Variants in TEX12 observed in about 807,000 individuals in gnomAD.
The protein encoded by TEX12 is testis expressed 12, also known as testis-expressed protein 12.
In TEX12, 7 loss-of-function variants were observed where a neutral mutation model predicts 14.6. The observed-to-expected ratio is 0.48, with a 90% confidence interval of 0.27 to 0.90. TEX12 has a LOEUF of 0.90. TEX12 is among the 40% of genes least tolerant of loss of function. TEX12 has a pLI of 0.12. For missense variants in TEX12, 121 were observed against 135.7 expected (o/e 0.89, Z 0.54); for synonymous variants, 57 against 49.1 (o/e 1.16, Z -0.67).
chr11:112,170,448 C>G lies in TEX12; in HGVS notation c.93C>G (p.Ser31=), dbSNP rs1381945916. ...ESPVPDSPQL[S]SLGKSDSSFS... The stretch of plus-strand genomic sequence containing the variant: ...CAGTGCCAGATAGTCCACAGCTGTC[C>G]TCTCTTGGAAAATCAGATTCATCTT... Residue 31 remains serine (S), a synonymous_variant, in exon 3 of 5, where the codon TCC becomes TCG. Coordinates refer to ENST00000280358, the MANE Select transcript of TEX12 (RefSeq NM_031275.4). 1 of 1,613,474 alleles carries G rather than the reference C, an allele frequency of 6.2e-7. No homozygotes were observed. The highest frequency in any genetic ancestry group is 1.7e-5 in the Admixed American group (1 of 60,006).
intron 4 of TEX12, among the ~76,000 whole-genome samples, chr11:112,171,331 G>T (rs1430042776): frequency 1.3e-5 from 2 of 151,862 alleles, no homozygotes; most frequent in African/African-American, 4.8e-5. Flanking sequence ...ATGTTCCTTT[G>T]GTATCTGTGG....
At chr11:112,168,607 A>G (rs369000415) in intron 1 of TEX12, among the ~76,000 whole-genome samples, 1 of 151,538 alleles carries the variant, frequency 6.6e-6, no homozygotes, top group East Asian at 1.9e-4. Context: ...GCTGGAGTGC[A>G]ATGGCACAAT....
At position 112,172,024 on chromosome 11, in the gene TEX12, G is replaced by A. The variant is rs556664602; in HGVS notation, c.*108G>A. ...AGTTGTTAAAGAAAATGTATATCTC[G>A]AATAGAGAAGGGGAAACTCCTTGAA... On this transcript the variant is annotated 3_prime_UTR_variant, in exon 5 of 5. Coordinates refer to ENST00000280358, the MANE Select transcript of TEX12 (RefSeq NM_031275.4). The A allele has an allele frequency of 8.6e-6, 7 of 814,550 alleles. No individual in the cohort carries two copies. In the East Asian group the frequency reaches 1.6e-4, roughly 19 times the overall value. 50.5% of individuals were successfully genotyped at this position (814,550 alleles called of 1,614,324 possible).
At chr11:112,169,367 T>G (rs1200600925) in intron 2 of TEX12, 36 bp downstream of exon 2, 1 of 1,519,972 alleles carries the variant, frequency 6.6e-7, no homozygotes, top group Non-Finnish European at 9.1e-7. Context: ...AATCTTTTAT[T>G]CTGTTTTACA....
intron 1 of TEX12, among the ~76,000 whole-genome samples, chr11:112,168,318 A>G (rs1866750395): frequency 6.6e-6 from 1 of 152,174 alleles, no homozygotes; most frequent in Non-Finnish European, 1.5e-5. Context: ...CCTAGGGAAA[A>G]TCCCTTCCGA....
intron 1 of TEX12, among the ~76,000 whole-genome samples, chr11:112,168,708 C>T (rs1018142592): frequency 1.8e-4 from 28 of 152,266 alleles, no homozygotes; most frequent in African/African-American, 6.0e-4. Context: ...CCTGCCACCA[C>T]GCCTGGCTAA....
At chr11:112,169,469 T>C (rs896945314) in intron 2 of TEX12, 138 bp downstream of exon 2, 1 of 645,604 alleles carries the variant, frequency 1.5e-6, no homozygotes, top group African/African-American at 1.8e-5. Context: ...TCCTACAACA[T>C]AGGAGGAACT....
Position 112,168,556 on chromosome 11 carries a change from CT to C in TEX12, c.-16-684del, listed in dbSNP as rs113768199. Among the ~76,000 whole-genome samples the C allele has an allele frequency of 7.1e-3, 1,019 of 144,356 alleles. 5 individuals carry two copies. The highest frequency in any genetic ancestry group is 0.025 in the Middle Eastern group (7 of 276). 94.7% of individuals were successfully genotyped at this position (144,356 alleles called of 152,430 possible). A position where few individuals can be genotyped will look rare whatever the true frequency, so the allele number is the denominator to read the frequency against. Reference sequence around the variant, plus strand: ...AAGATTTTGTGAAGATAGAAGAATCCTTTTTTTTTTTTTGAGGTGGAGTCTC... The same window carrying C: ...AAGATTTTGTGAAGATAGAAGAATCCTTTTTTTTTTTTGAGGTGGAGTCTC... On this transcript the variant is annotated intron_variant, in intron 1 of 4. Transcript: ENST00000280358.
chr11:112,168,434 C>T (rs1317262456), intron 1 of TEX12, among the ~76,000 whole-genome samples: 3 of 149,562 alleles, frequency 2.0e-5, no homozygotes, highest in Admixed American at 1.3e-4. Context: ...TTAGCTCAGT[C>T]TTACTGGTGT....
chr11:112,168,477 C>G (rs923560418), intron 1 of TEX12, among the ~76,000 whole-genome samples: 1 of 152,038 alleles, frequency 6.6e-6, no homozygotes, highest in African/African-American at 2.4e-5. Context: ...CCTGTTTTCT[C>G]ACTTGTAAAA....
intron 1 of TEX12, among the ~76,000 whole-genome samples, chr11:112,168,099 TAAC>T (rs760278500): frequency 1.3e-5 from 2 of 152,250 alleles, no homozygotes; most frequent in Non-Finnish European, 2.9e-5. Flanking sequence ...AGAATTTACT[TAAC>T]AAGCATCATT....
intron 1 of TEX12, among the ~76,000 whole-genome samples, chr11:112,168,698 C>T (rs36077191): frequency 0.18 from 27,184 of 151,952 alleles, 2,995 homozygotes; most frequent in Non-Finnish European, 0.25. Context: ...ATTACAGGCG[C>T]CTGCCACCAC....
chr11:112,169,697 C>G (rs1866768706), intron 2 of TEX12, among the ~76,000 whole-genome samples: 1 of 152,128 alleles, frequency 6.6e-6, no homozygotes, highest in South Asian at 2.1e-4. Context: ...ACTACTGCCC[C>G]CACCAGTTGA....
intron 4 of TEX12, 22 bp from the exon 5 acceptor site, chr11:112,171,750 A>G (rs376802932): frequency 2.1e-4 from 304 of 1,449,440 alleles, no homozygotes; most frequent in Non-Finnish European, 2.5e-4. Context: ...TTAGTTTAAT[A>G]TACAACTTTT....
chr11:112,171,223 A>T (rs1866786520), intron 4 of TEX12, among the ~76,000 whole-genome samples: 1 of 152,074 alleles, frequency 6.6e-6, no homozygotes, highest in Admixed American at 6.5e-5. Context: ...TGGTCTTATA[A>T]GTAATCAAGA....
chr11:112,170,396 T>C (rs756571), intron 2 of TEX12, 23 bp from the exon 3 acceptor site: 1 of 1,440,246 alleles, frequency 6.9e-7, no homozygotes, highest in East Asian at 2.3e-5. Context: ...ACTGTACCTG[T>C]TTTCTTTATT....
At chr11:112,170,584 T>G in intron 3 of TEX12, 39 bp from the exon 4 acceptor site, 1 of 1,594,410 alleles carries the variant, frequency 6.3e-7, no homozygotes, top group Non-Finnish European at 8.6e-7. Context: ...TGCAGAAGGT[T>G]TGTTATATTT....
Position 112,170,568 on chromosome 11 carries a change from T to G in TEX12, c.175+38T>G, listed in dbSNP as rs765230608. 9 of 1,588,812 alleles carry G rather than the reference T, an allele frequency of 5.7e-6. 1 individual carries two copies. In the South Asian group the frequency reaches 1.0e-4, roughly 18 times the overall value. ...ATGTTTATATTTCTAAACATCAGTC[T>G]TATAATGCAGAAGGTTTGTTATATT... On this transcript the variant is annotated intron_variant, in intron 3 of 4. Transcript: ENST00000280358.
chr11:112,168,847 C>T (rs183152551), intron 1 of TEX12, among the ~76,000 whole-genome samples: 9 of 152,186 alleles, frequency 5.9e-5, no homozygotes, highest in Middle Eastern at 3.4e-3. Flanking sequence ...CCAGCGCGCC[C>T]GGCCGAAGAT....
Sources: allele counts gnomAD v4.1 joint callset (sites outside exome capture counted in the v4.1 genomes callset), GRCh38; gene constraint gnomAD v4.1.1; transcripts MANE v1.5; gene names NCBI Gene and HGNC (gene_info 2026-07-23, HGNC 2026-07-21).